The following IREB2 variants were observed in gnomAD, a reference collection of about 807,000 sequenced individuals.
IREB2 encodes iron-responsive element-binding protein 2.
In IREB2, 39 loss-of-function variants were observed where a neutral mutation model predicts 118.8. That is an observed-to-expected ratio of 0.33 (90% confidence interval 0.25 to 0.43). The LOEUF is 0.43. Among genes scored for constraint, IREB2 ranks in the 20% least tolerant of loss-of-function variants. The pLI is 1.00. For missense variants in IREB2, 900 were observed against 1,147.3 expected (o/e 0.78, Z 3.11); for synonymous variants, 372 against 392.2 (o/e 0.95, Z 0.61).
At chr15:78,454,680 A>G (rs2051077407) in intron 2 of IREB2, among the ~76,000 whole-genome samples, 2 of 152,224 alleles carry the variant, frequency 1.3e-5, no homozygotes, top group African/African-American at 4.8e-5. Context: ...ATATGCCTTA[A>G]TAAACTTAGG....
chr15:78,461,365 G>C (rs535724029), intron 2 of IREB2, among the ~76,000 whole-genome samples: 5 of 152,100 alleles, frequency 3.3e-5, no homozygotes, highest in Non-Finnish European at 5.9e-5. Flanking sequence ...CACTAGTAAA[G>C]AGCCTTACCC....
intron 3 of IREB2, 49 bp downstream of exon 3, chr15:78,463,136 C>G (rs779195233): frequency 6.9e-7 from 1 of 1,459,462 alleles, no homozygotes; most frequent in South Asian, 1.3e-5. Flanking sequence ...AGTGTGTTTC[C>G]TTTTTAAAAT....
chr15:78,438,190 C>T (rs1051105969), upstream of IREB2: 33 of 651,738 alleles, frequency 5.1e-5, no homozygotes, highest in South Asian at 5.6e-4. Flanking sequence ...CCGGGGCTGG[C>T]TCTGCTGCTC....
chr15:78,480,572 C>A (rs1476847076), intron 10 of IREB2, among the ~76,000 whole-genome samples: 1 of 151,060 alleles, frequency 6.6e-6, no homozygotes, highest in Non-Finnish European at 1.5e-5. Context: ...GCCTGTAATC[C>A]CAGCTACTCA....
intron 2 of IREB2, among the ~76,000 whole-genome samples, chr15:78,449,626 CAT>C (rs1435569892): frequency 1.3e-5 from 2 of 152,194 alleles, no homozygotes; most frequent in African/African-American, 2.4e-5. Context: ...ACAAGCAAAA[CAT>C]GTCTGCAAGC....
chr15:78,489,636 T>C (rs1025787367), intron 16 of IREB2, among the ~76,000 whole-genome samples: 2 of 152,042 alleles, frequency 1.3e-5, no homozygotes, highest in African/African-American at 4.8e-5. Context: ...CTCCTCAGCC[T>C]CCTGAGTAGC....
intron 10 of IREB2, among the ~76,000 whole-genome samples, chr15:78,479,211 TGGCCTCCCAGA>T (rs1033007681): frequency 3.3e-5 from 5 of 152,054 alleles, no homozygotes; most frequent in Non-Finnish European, 7.4e-5. Flanking sequence ...TCTCTAGTCT[TGGCCTCCCAGA>T]GTGCTGGGAT....
rs1279940435 is a variant in IREB2 at position 78,466,421 on chromosome 15, A to G, written c.561A>G (p.Ser187=). 1.2e-6 allele frequency: 2 copies of G among 1,614,074 alleles called. No homozygotes were observed. Among genetic ancestry groups the G allele is most frequent in the East Asian group, 2.2e-5 (1 of 44,894 alleles). The part of the protein sequence containing the change: ...SCDSGELGRN[S]GTFSSQIENT... Reference sequence around the variant, plus strand: ...ATTCTGGAGAACTAGGCCGAAACTCAGGAACATTTTCTTCGCAGATTGAGA... The same window carrying G: ...ATTCTGGAGAACTAGGCCGAAACTCGGGAACATTTTCTTCGCAGATTGAGA... Residue 187 remains serine, a synonymous_variant, in exon 5 of 22, where the codon TCA becomes TCG. Coordinates refer to ENST00000258886, the MANE Select transcript of IREB2 (RefSeq NM_004136.4).
In IREB2 at chr15:78,471,916, T is replaced by C; in HGVS notation, c.875T>C (p.Leu292Pro). Residue 292 changes from leucine to proline, a missense_variant, in exon 7 of 22, where the codon CTG becomes CCG. By Grantham distance (98) the Leu-to-Pro change is moderately conservative. Transcript: ENST00000258886. Reference protein sequence around the residue: ...HITMVNGLGILGWGVGGIETE... With the variant: ...HITMVNGLGIPGWGVGGIETE... ...ACGATGGTGAATGGTTTAGGGATTCTGGGGTGGGGTAAGTAAATGACTAAA... is the reference window on the plus strand; with the variant it reads ...ACGATGGTGAATGGTTTAGGGATTCCGGGGTGGGGTAAGTAAATGACTAAA... 5 of 1,580,110 alleles carry C rather than the reference T, an allele frequency of 3.2e-6. No homozygotes were observed. Among genetic ancestry groups the C allele is most frequent in the Non-Finnish European group, 4.3e-6 (5 of 1,163,060 alleles).
chr15:78,453,399 A>C (rs901241766), intron 2 of IREB2, among the ~76,000 whole-genome samples: 1 of 151,874 alleles, frequency 6.6e-6, no homozygotes, highest in Non-Finnish European at 1.5e-5. Flanking sequence ...AGGTGAGTGG[A>C]AGGTAGAAAA....
chr15:78,452,440 T>C (rs1385520323), intron 2 of IREB2, among the ~76,000 whole-genome samples: 6 of 152,110 alleles, frequency 3.9e-5, no homozygotes, highest in Admixed American at 2.6e-4. Flanking sequence ...GAATTATTAG[T>C]GTAGATGTAG....
At chr15:78,476,534 C>T (rs1165582615) in intron 9 of IREB2, 175 bp downstream of exon 9, 3 of 450,384 alleles carry the variant, frequency 6.7e-6, no homozygotes, top group Non-Finnish European at 3.9e-6. Context: ...GTCCTCAAAC[C>T]CTAGTTCCCT....
intron 2 of IREB2, among the ~76,000 whole-genome samples, chr15:78,456,421 G>C (rs2051106360): frequency 1.3e-5 from 2 of 152,092 alleles, no homozygotes; most frequent in Non-Finnish European, 1.5e-5. Flanking sequence ...CCAGTACTTT[G>C]GGAGGCCAAG....
rs1275877773 is a variant in IREB2 at position 78,488,571 on chromosome 15, G to A, written c.1952-76G>A. The A allele has an allele frequency of 3.6e-6, 5 of 1,380,896 alleles. No individual in the cohort carries two copies. The African/African-American group carries it at 5.9e-5, about 16-fold the overall frequency. The allele number at this position is 1,380,896 out of a possible 1,614,324, so 85.5% of individuals were successfully genotyped here. A position where few individuals can be genotyped will look rare whatever the true frequency, so the allele number is the denominator to read the frequency against. On this transcript the variant is annotated intron_variant, in intron 15 of 21. Coordinates refer to ENST00000258886, the MANE Select transcript of IREB2 (RefSeq NM_004136.4). ...GTTGAATCATTTACTTGATTTCCAT[G>A]ATATGTCTTTGAAAAGGTATGAACA...
At chr15:78,459,396 C>T (rs2051160036) in intron 2 of IREB2, among the ~76,000 whole-genome samples, 1 of 152,106 alleles carries the variant, frequency 6.6e-6, no homozygotes, top group Admixed American at 6.6e-5. Context: ...GTTGCCCAGG[C>T]TGGAGTGCAG....
At chr15:78,446,410 TGAA>T (rs1008122895) in intron 2 of IREB2, among the ~76,000 whole-genome samples, 3 of 151,938 alleles carry the variant, frequency 2.0e-5, no homozygotes, top group Admixed American at 1.3e-4. Flanking sequence ...CTAGCTCGAG[TGAA>T]GAAGGATTTA....
At chr15:78,484,701 G>A (rs2051630091) in intron 11 of IREB2, 60 bp from the exon 12 acceptor site, 3 of 1,217,194 alleles carry the variant, frequency 2.5e-6, no homozygotes, top group East Asian at 2.4e-5. Flanking sequence ...TTTTCTGCCA[G>A]TCTTTTATTC....
chr15:78,438,483 T>C, intron 1 of IREB2, 127 bp downstream of exon 1: 3 of 1,090,862 alleles, frequency 2.8e-6, no homozygotes, highest in Non-Finnish European at 4.1e-6. Flanking sequence ...CGGGTTGTGC[T>C]CCCCTCGGGG....
intron 2 of IREB2, among the ~76,000 whole-genome samples, chr15:78,461,108 C>T (rs1406503893): frequency 6.6e-6 from 1 of 152,160 alleles, no homozygotes; most frequent in African/African-American, 2.4e-5. Context: ...CCTGATACAC[C>T]CTACCTAGGT....
Sources: allele counts gnomAD v4.1 joint callset (sites outside exome capture counted in the v4.1 genomes callset), GRCh38; gene constraint gnomAD v4.1.1; transcripts MANE v1.5; gene names NCBI Gene and HGNC (gene_info 2026-07-23, HGNC 2026-07-21).